CSRP2: variants seen among roughly 807,000 people sequenced by gnomAD.
The protein encoded by CSRP2 is cysteine and glycine-rich protein 2.
In CSRP2, 18 loss-of-function variants were observed where a neutral mutation model predicts 24.6. The observed-to-expected ratio is 0.73, with a 90% CI of 0.51 to 1.09. CSRP2 has a LOEUF of 1.09. CSRP2 is among the 50% of genes least tolerant of loss of function. The pLI, the probability that CSRP2 is intolerant of heterozygous loss-of-function variation, is 0.00. For missense variants in CSRP2, 215 were observed against 239.4 expected (o/e 0.90, Z 0.67); for synonymous variants, 87 against 84.3 (o/e 1.03, Z -0.18).
intron 3 of CSRP2, 135 bp downstream of exon 3, chr12:76,863,041 A>T: frequency 6.9e-7 from 1 of 1,440,740 alleles, no homozygotes; most frequent in Non-Finnish European, 9.1e-7. Context: ...GAACTAGTTG[A>T]CATTAGAAAA....
chr12:76,858,740 T>C lies in CSRP2; in HGVS notation c.*212A>G, dbSNP rs927377865. On this transcript the variant is annotated 3_prime_UTR_variant, in exon 6 of 6. Coordinates refer to ENST00000311083, the MANE Select transcript of CSRP2 (RefSeq NM_001321.3). ...TCAAGCTGAAGTTTTATTTAAAATG[T>C]AAAAGAAATGTTCCCCCAAAATGCT... 4 of 411,314 alleles carry C rather than the reference T, an allele frequency of 9.7e-6. No homozygotes were observed. Among genetic ancestry groups the C allele is most frequent in the African/African-American group, 6.1e-5 (3 of 49,370 alleles). 25.5% of individuals were successfully genotyped at this position (411,314 alleles called of 1,614,324 possible). A position where few individuals can be genotyped will look rare whatever the true frequency, so the allele number is the denominator to read the frequency against.
chr12:76,859,486 C>A, intron 5 of CSRP2, 61 bp downstream of exon 5: 2 of 1,075,542 alleles, frequency 1.9e-6, no homozygotes, highest in Non-Finnish European at 2.7e-6. Context: ...AGTGACATTT[C>A]ATTAAACAAG....
At chr12:76,866,295 G>A in intron 1 of CSRP2, 34 bp from the exon 2 acceptor site, 1 of 1,562,010 alleles carries the variant, frequency 6.4e-7, no homozygotes, top group African/African-American at 1.4e-5. Context: ...GAATGTCCCT[G>A]TGCTGGTCGT....
In CSRP2 at chr12:76,863,283, G is replaced by A. The variant is rs747024310; in HGVS notation, c.174C>T (p.Cys58=). The change falls in exon 3 of 6, where the codon TGC becomes TGT. Residue 58 remains cysteine, a synonymous_variant. Transcript: ENST00000311083. ...TVAIHDEEIY[C]KSCYGKKYGP... ...CATACTTCTTTCCGTAGCAGGATTT[G>A]CAGTAGATCTCTTCATCGTGAATTG... 3 of 1,614,090 alleles carry A rather than the reference G, an allele frequency of 1.9e-6. No homozygotes were observed. The highest frequency in any genetic ancestry group is 2.7e-5 in the African/African-American group (2 of 74,930).
intron 1 of CSRP2, among the ~76,000 whole-genome samples, chr12:76,873,510 C>G (rs1953822552): frequency 6.6e-6 from 1 of 152,224 alleles, no homozygotes. Context: ...CATTTGGCTC[C>G]TCCTACTGAA....
At chr12:76,866,105 T>C (rs750317087) in intron 2 of CSRP2, 44 bp downstream of exon 2, 6 of 1,448,156 alleles carry the variant, frequency 4.1e-6, no homozygotes, top group Non-Finnish European at 5.8e-6. Context: ...TGAAGCTCTG[T>C]ACATACAAAT....
At chr12:76,877,971 C>T (rs1393865898) in intron 1 of CSRP2, among the ~76,000 whole-genome samples, 17 of 116,366 alleles carry the variant, frequency 1.5e-4, no homozygotes, top group African/African-American at 5.2e-4. Flanking sequence ...CCCACCCCCC[C>T]ACCCCCCAAA....
chr12:76,860,557 A>G, intron 3 of CSRP2, 144 bp from the exon 4 acceptor site: 1 of 889,248 alleles, frequency 1.1e-6, no homozygotes, highest in Admixed American at 2.7e-5. Flanking sequence ...CAGGGGAGGG[A>G]ATAAAGAAGA....
rs111570084 is a variant in CSRP2 at position 76,860,245 on chromosome 12, G to A, written c.411+39C>T. On this transcript the variant is annotated intron_variant, in intron 4 of 5. Transcript: ENST00000311083. ...GGTTAGGGGAGAAAGGGAGCAGAGAGAAGTCATTTGCTGTTATTAATTCCA... is the reference window on the plus strand; with the variant it reads ...GGTTAGGGGAGAAAGGGAGCAGAGAAAAGTCATTTGCTGTTATTAATTCCA... 25 of 1,601,018 alleles carry A rather than the reference G, an allele frequency of 1.6e-5. 1 individual carries two copies. In the African/African-American group the frequency reaches 2.1e-4, roughly 14 times the overall value.
chr12:76,863,942 C>T (rs1429149793), intron 2 of CSRP2: 6 of 152,226 alleles, frequency 3.9e-5, no homozygotes, highest in African/African-American at 9.6e-5. Context: ...TAGTTTTCAT[C>T]ACTAGTCTAG....
chr12:76,876,199 T>G (rs576098535), intron 1 of CSRP2, among the ~76,000 whole-genome samples: 48 of 152,216 alleles, frequency 3.2e-4, no homozygotes, highest in Non-Finnish European at 4.8e-4. Flanking sequence ...TTGGCCCTAA[T>G]GTATTACATG....
rs371708699 is a variant in CSRP2 at position 76,877,871 on chromosome 12, G to C, written c.-2+1067C>G. Among the ~76,000 whole-genome samples the C allele has an allele frequency of 1.2e-3, 187 of 152,236 alleles. 2 individuals carry two copies. In the South Asian group the frequency reaches 0.013, roughly 11 times the overall value. The stretch of plus-strand genomic sequence containing the variant: ...ATTTGAATTCTTGGCATTTTATGAG[G>C]AGAGTTTTAAAACAGGTTAATTGGA... On this transcript the variant is annotated intron_variant, in intron 1 of 5. Transcript: ENST00000311083.
At chr12:76,866,283 T>C (rs772727866) in intron 1 of CSRP2, 22 bp from the exon 2 acceptor site, 2 of 1,584,190 alleles carry the variant, frequency 1.3e-6, no homozygotes, top group African/African-American at 1.3e-5. Flanking sequence ...AAGGATTCAT[T>C]AGAATGTCCC....
intron 1 of CSRP2, among the ~76,000 whole-genome samples, chr12:76,876,206 C>T (rs868615374): frequency 7.2e-5 from 11 of 152,288 alleles, no homozygotes; most frequent in Non-Finnish European, 1.3e-4. Context: ...TAATGTATTA[C>T]ATGGTGTCTG....
chr12:76,868,195 G>T (rs1221914273), intron 1 of CSRP2, among the ~76,000 whole-genome samples: 1 of 152,156 alleles, frequency 6.6e-6, no homozygotes, highest in Non-Finnish European at 1.5e-5. Context: ...AAAACTAAGA[G>T]AAGATCAGTG....
rs760033624 is a variant in CSRP2, at chr12:76,863,313, T to G, written c.144A>C (p.Thr48=). Residue 48 remains threonine, a synonymous_variant, in exon 3 of 6, where the codon ACA becomes ACC. Coordinates refer to ENST00000311083, the MANE Select transcript of CSRP2 (RefSeq NM_001321.3). ...MVCRKNLDST[T]VAIHDEEIYC... Reference sequence around the variant, plus strand: ...AGATCTCTTCATCGTGAATTGCCACTGTTGTGCTATCTAAATTTTTCCTGC... The same window carrying G: ...AGATCTCTTCATCGTGAATTGCCACGGTTGTGCTATCTAAATTTTTCCTGC... The G allele has an allele frequency of 1.1e-5, 17 of 1,614,102 alleles. No individual in the cohort carries two copies. The highest frequency in any genetic ancestry group is 1.3e-5 in the Non-Finnish European group (15 of 1,180,054).
chr12:76,862,634 C>A, intron 3 of CSRP2: 1 of 808,932 alleles, frequency 1.2e-6, no homozygotes, highest in Non-Finnish European at 1.7e-6. Context: ...ACAAATTTAG[C>A]ACCTTGATAC....
In CSRP2 at chr12:76,863,247, G is replaced by A. The variant is rs984294690; in HGVS notation, c.210C>T (p.Gly70=). ...SCYGKKYGPK[G]YGYGQGAGTL... ...TGCCAGCGCCCTGGCCATAACCGTAGCCTTTTGGCCCATACTTCTTTCCGT... is the reference window on the plus strand; with the variant it reads ...TGCCAGCGCCCTGGCCATAACCGTAACCTTTTGGCCCATACTTCTTTCCGT... Residue 70 remains glycine (G), a synonymous_variant, in exon 3 of 6, where the codon GGC becomes GGT. Coordinates refer to ENST00000311083, the MANE Select transcript of CSRP2 (RefSeq NM_001321.3). The A allele has an allele frequency of 6.2e-7, 1 of 1,614,242 alleles. No individual in the cohort carries two copies. The highest frequency in any genetic ancestry group is 8.5e-7 in the Non-Finnish European group (1 of 1,180,050).
chr12:76,866,150 G>A lies in CSRP2; in HGVS notation c.111C>T (p.Cys37=). ...GRSFHRCCFL[C]MVCRKNLDST... ...GGTGGAGCATGGAGAGCTACTTACTGCAGAGAAAGCAGCAGCGGTGGAAGC... is the reference window on the plus strand; with the variant it reads ...GGTGGAGCATGGAGAGCTACTTACTACAGAGAAAGCAGCAGCGGTGGAAGC... The change falls in exon 2 of 6, where the codon TGC becomes TGT. Residue 37 remains cysteine (C), a splice_region_variant and synonymous_variant. Transcript: ENST00000311083. The A allele has an allele frequency of 6.2e-7, 1 of 1,609,906 alleles. No individual in the cohort carries two copies. Among genetic ancestry groups the A allele is most frequent in the South Asian group, 1.1e-5 (1 of 90,984 alleles).
Sources: allele counts gnomAD v4.1 joint callset (sites outside exome capture counted in the v4.1 genomes callset), GRCh38; gene constraint gnomAD v4.1.1; transcripts MANE v1.5; gene names NCBI Gene and HGNC (gene_info 2026-07-23, HGNC 2026-07-21).